Variants in CDKL5 observed in about 807,000 individuals in gnomAD.
The protein encoded by CDKL5 is cyclin dependent kinase like 5.
A neutral mutation model predicts 61.7 loss-of-function variants in CDKL5; 8 were observed. That is an observed-to-expected ratio of 0.13 (90% CI 0.08 to 0.23). The LOEUF (loss-of-function observed/expected upper bound fraction) is 0.23, where lower values mean the gene tolerates loss of function less well. Ranked by LOEUF, CDKL5 falls within the 10% of genes least tolerant of loss-of-function variation. The pLI, the probability that CDKL5 is intolerant of heterozygous loss-of-function variation, is 1.00. For missense variants in CDKL5, 440 were observed against 734.5 expected (o/e 0.60, Z 4.63); for synonymous variants, 275 against 272.3 (o/e 1.01, Z -0.10).
rs1340483207 is a variant in CDKL5, at chrX:18,639,103, G to T, written c.*10346G>T. On this transcript the variant is annotated 3_prime_UTR_variant, in exon 18 of 18. Coordinates refer to ENST00000623535, the MANE Select transcript of CDKL5 (RefSeq NM_001323289.2). Reference sequence around the variant, plus strand: ...ATAAAACTCATAGAAGAAAACATAGGGGTAAATCTTCATGACCTTGGATTT... The same window carrying T: ...ATAAAACTCATAGAAGAAAACATAGTGGTAAATCTTCATGACCTTGGATTT... 9.0e-6 allele frequency among the ~76,000 whole-genome samples: 1 copy of T among 111,562 alleles called. No homozygotes were observed. Among genetic ancestry groups the T allele is most frequent in the Non-Finnish European group, 1.9e-5 (1 of 53,091 alleles).
chrX:18,631,705 C>G lies in CDKL5; in HGVS notation c.*2948C>G. 1 of 753,982 alleles carries G rather than the reference C, an allele frequency of 1.3e-6. No individual in the cohort carries two copies. The highest frequency in any genetic ancestry group is 1.6e-6 in the Non-Finnish European group (1 of 638,868). The allele number at this position is 753,982 out of a possible 1,213,427, so 62.1% of individuals were successfully genotyped here. On this transcript the variant is annotated 3_prime_UTR_variant, in exon 18 of 18. Transcript: ENST00000623535. ...ACTGATCTCCTTTGGAAAAGAAACT[C>G]TGCTTCACTGTTTTTCTACCTTTAT...
chrX:18,593,294 AAATT>A (rs772432378), intron 9 of CDKL5, among the ~76,000 whole-genome samples: 2 of 112,190 alleles, frequency 1.8e-5, no homozygotes, highest in Non-Finnish European at 3.8e-5. Context: ...AAACGCATGT[AAATT>A]AATTCTTTGA....
At position 18,597,299 on chromosome X, in the gene CDKL5, C is replaced by A. The variant is rs189167665; in HGVS notation, c.826-1163C>A. On this transcript the variant is annotated intron_variant, in intron 10 of 17. Transcript: ENST00000623535. ...TTTGAATATTTCAAAGAGAAATATT[C>A]TCTTTGCCATTCTCTAAAGCTGCCG... Among the ~76,000 whole-genome samples, 235 of 109,918 alleles carry A rather than the reference C, an allele frequency of 2.1e-3. 1 individual carries two copies. The highest frequency in any genetic ancestry group is 2.8e-3 in the Non-Finnish European group (149 of 52,689).
intron 1 of CDKL5, among the ~76,000 whole-genome samples, chrX:18,456,374 TGTG>T (rs1282214594): frequency 2.7e-5 from 3 of 112,029 alleles, no homozygotes; most frequent in African/African-American, 9.7e-5. Flanking sequence ...CCAATCTTGA[TGTG>T]GTGTAGTTTT....
At chrX:18,509,197 G>GCACGCGCGCGCGCGCGCGCACACACA (rs1204561636) in intron 2 of CDKL5, among the ~76,000 whole-genome samples, 1 of 64,308 alleles carries the variant, frequency 1.6e-5, no homozygotes, top group East Asian at 6.9e-4. Context: ...CTCAAAACAC[G>GCACGCGCGCGCGCGCGCGCACACACA]CACACACACA....
chrX:18,650,684 C>A lies in CDKL5; in HGVS notation c.2980+92C>A, dbSNP rs1242835783. 6 of 996,022 alleles carry A rather than the reference C, an allele frequency of 6.0e-6. No homozygotes were observed. The South Asian group carries it at 7.7e-5, about 13-fold the overall frequency. The allele number at this position is 996,022 out of a possible 1,213,427, so 82.1% of individuals were successfully genotyped here. ...TAGAAATGCAGATGTTCAGGCCACACCCCCAGGGATTCTGACATCATTGGC... is the reference window on the plus strand; with the variant it reads ...TAGAAATGCAGATGTTCAGGCCACAACCCCAGGGATTCTGACATCATTGGC... On this transcript the variant is annotated intron_variant, in intron 21 of 21. Transcript: ENST00000379989.
intron 1 of CDKL5, among the ~76,000 whole-genome samples, chrX:18,460,407 C>T (rs966936551): frequency 8.9e-5 from 10 of 111,979 alleles, no homozygotes; most frequent in Admixed American, 1.9e-4. Context: ...CACCAGGCCC[C>T]GCCTCCAACA....
At chrX:18,443,990 T>G (rs1931813406) in intron 1 of CDKL5, 2 of 111,388 alleles carry the variant, frequency 1.8e-5, no homozygotes, top group Admixed American at 1.9e-4. Context: ...TTGAGCTACT[T>G]TTAAGAGCTT....
chrX:18,485,707 C>T, intron 1 of CDKL5, among the ~76,000 whole-genome samples: 1 of 111,533 alleles, frequency 9.0e-6, no homozygotes, highest in East Asian at 2.8e-4. Context: ...GGTTACTTTC[C>T]TTATAGGGAA....
intron 3 of CDKL5, among the ~76,000 whole-genome samples, chrX:18,524,960 T>C (rs1923376474): frequency 9.0e-6 from 1 of 111,701 alleles, no homozygotes; most frequent in South Asian, 3.7e-4. Flanking sequence ...TCTTGCTTTG[T>C]CATCCAGGCT....
chrX:18,628,283 A>C, intron 17 of CDKL5, 88 bp from the exon 18 acceptor site: 2 of 943,989 alleles, frequency 2.1e-6, no homozygotes, highest in Non-Finnish European at 3.1e-6. Flanking sequence ...GGCCACACCC[A>C]GTCACCTCAC....
At chrX:18,451,235 A>G (rs368231437) in intron 1 of CDKL5, among the ~76,000 whole-genome samples, 13 of 111,785 alleles carry the variant, frequency 1.2e-4, no homozygotes, top group South Asian at 3.7e-4. Context: ...CTTGTTGCCC[A>G]GGCTAGAGTG....
chrX:18,581,731 T>C (rs963507116), intron 6 of CDKL5, among the ~76,000 whole-genome samples, 160 bp from the exon 7 acceptor site: 1 of 111,688 alleles, frequency 9.0e-6, no homozygotes, highest in Non-Finnish European at 1.9e-5. Flanking sequence ...GAAACTTTTA[T>C]GTACCAGCAT....
intron 1 of CDKL5, among the ~76,000 whole-genome samples, chrX:18,466,043 G>A (rs1164100604): frequency 1.8e-5 from 2 of 111,353 alleles, no homozygotes; most frequent in Non-Finnish European, 3.8e-5. Context: ...AATTTTTTCT[G>A]CTAGCTTACT....
chrX:18,526,109 T>C (rs1283537376), intron 3 of CDKL5, among the ~76,000 whole-genome samples: 2 of 112,601 alleles, frequency 1.8e-5, no homozygotes, highest in Non-Finnish European at 3.7e-5. Context: ...AGATCATCTT[T>C]GATTTTCAAC....
chrX:18,468,284 G>A (rs184629285), intron 1 of CDKL5, among the ~76,000 whole-genome samples: 3 of 112,175 alleles, frequency 2.7e-5, no homozygotes, highest in East Asian at 2.8e-4. Context: ...CAGAATGTGC[G>A]GATACTGTAA....
intron 8 of CDKL5, 75 bp downstream of exon 8, chrX:18,584,428 A>G (rs373646242): frequency 7.3e-6 from 5 of 688,775 alleles, no homozygotes; most frequent in Non-Finnish European, 2.4e-6. Context: ...GAGTTCATCT[A>G]TGGAAAATAA....
chrX:18,502,028 G>A (rs192420704), intron 1 of CDKL5, among the ~76,000 whole-genome samples: 134 of 111,883 alleles, frequency 1.2e-3, no homozygotes, highest in Non-Finnish European at 2.3e-3. Flanking sequence ...AGAGTGATTC[G>A]TTTTCAGAAA....
chrX:18,430,452 G>A (rs923215458), intron 1 of CDKL5, among the ~76,000 whole-genome samples: 4 of 111,442 alleles, frequency 3.6e-5, no homozygotes, highest in South Asian at 3.7e-4. Flanking sequence ...TTGTGTGTGC[G>A]TGTTTTTTTG....
Sources: allele counts gnomAD v4.1 joint callset (sites outside exome capture counted in the v4.1 genomes callset), GRCh38; gene constraint gnomAD v4.1.1; transcripts MANE v1.5; gene names NCBI Gene and HGNC (gene_info 2026-07-23, HGNC 2026-07-21).